OC90: variants seen among roughly 807,000 people sequenced by gnomAD.
OC90 encodes otoconin-90.
Under a neutral mutation model 47.3 loss-of-function variants are expected in OC90, and 46 were observed. That is an observed-to-expected ratio of 0.97 (90% CI 0.77 to 1.24). The LOEUF (loss-of-function observed/expected upper bound fraction) is 1.24. Among genes scored for constraint, OC90 ranks in the 50% most tolerant of loss-of-function variants. The probability of loss-of-function intolerance (pLI) is 0.00; values close to 1 mark genes in which losing one functional copy is unlikely to be tolerated. For synonymous variants in OC90, 271 were observed against 219.5 expected, an observed-to-expected ratio of 1.23 and a Z score of -2.07; for missense variants, 688 against 583.9, an observed-to-expected ratio of 1.18 and a Z score of -1.84.
intron 13 of OC90, among the ~76,000 whole-genome samples, chr8:132,028,563 A>AAAGAAAGAAAGAAAGGAAGGAAGG (rs1354516292): frequency 6.4e-3 from 199 of 30,904 alleles, no homozygotes; most frequent in South Asian, 0.012. Context: ...AGAAAGAAAG[A>AAAGAAAGAAAGAAAGGAAGGAAGG]AAGGAAGGAA....
chr8:132,028,619 A>AAGG (rs779834640), intron 13 of OC90, among the ~76,000 whole-genome samples: 47 of 43,430 alleles, frequency 1.1e-3, no homozygotes, highest in Non-Finnish European at 1.8e-3. Flanking sequence ...GGGAAGGAGG[A>AAGG]AGGAAGGAAG....
intron 2 of OC90, among the ~76,000 whole-genome samples, chr8:132,046,125 G>A (rs1208308095): frequency 6.6e-6 from 1 of 152,132 alleles, no homozygotes. Context: ...ATTCTGGTTG[G>A]GGATGGAGAG....
At chr8:132,026,477 G>T (rs745830621) in intron 13 of OC90, among the ~76,000 whole-genome samples, 1 of 152,204 alleles carries the variant, frequency 6.6e-6, no homozygotes, top group Non-Finnish European at 1.5e-5. Flanking sequence ...TGAGAGCACA[G>T]TGGAGACATG....
intron 2 of OC90, among the ~76,000 whole-genome samples, chr8:132,052,991 G>A (rs142546835): frequency 1.4e-4 from 21 of 152,210 alleles, no homozygotes; most frequent in African/African-American, 3.9e-4. Context: ...TTCATGCTCC[G>A]GAGATACTGA....
At chr8:132,054,767 TCAC>T (rs1823259443) in intron 2 of OC90, among the ~76,000 whole-genome samples, 1 of 152,172 alleles carries the variant, frequency 6.6e-6, no homozygotes, top group South Asian at 2.1e-4. Flanking sequence ...GTCATTTTTG[TCAC>T]CACAAGGTAG....
chr8:132,055,090 C>A lies in OC90; in HGVS notation c.-47-17G>T. 1 of 1,347,906 alleles carries A rather than the reference C, an allele frequency of 7.4e-7. No individual in the cohort carries two copies. Among genetic ancestry groups the A allele is most frequent in the Non-Finnish European group, 1.0e-6 (1 of 966,486 alleles). The allele number at this position is 1,347,906 out of a possible 1,614,324, so 83.5% of individuals were successfully genotyped here. On this transcript the variant is annotated splice_polypyrimidine_tract_variant and intron_variant, in intron 1 of 13. Transcript: ENST00000254627. ...AACGGACTCCTGGGAGAGAAGCCAG[C>A]AGAATAGGATGGAAGCATTTTCAGA...
At chr8:132,056,295 C>T (rs1249724899) in intron 1 of OC90, among the ~76,000 whole-genome samples, 1 of 152,148 alleles carries the variant, frequency 6.6e-6, no homozygotes, top group Non-Finnish European at 1.5e-5. Context: ...GCATATGTAC[C>T]CAGGGCCGTG....
At position 132,050,787 on chromosome 8, in the gene OC90, G is replaced by A. The variant is rs537779424; in HGVS notation, c.46+4194C>T. ...AGGCCGAGGCAGGCAGATCACCTGA[G>A]GTTGGGAGTTCAAGACCAGCCTGAC... On this transcript the variant is annotated intron_variant, in intron 2 of 13. Transcript: ENST00000254627. Among the ~76,000 whole-genome samples the A allele has an allele frequency of 4.3e-4, 66 of 152,252 alleles. 1 individual carries two copies. In the South Asian group the frequency reaches 8.7e-3, roughly 20 times the overall value.
At chr8:132,049,888 T>C (rs779802509) in intron 2 of OC90, 1 of 505,172 alleles carries the variant, frequency 2.0e-6, no homozygotes, top group Non-Finnish European at 4.0e-6. Context: ...TGCTAAGACG[T>C]GTGCCAATTC....
chr8:132,040,855 G>A (rs1823040835), intron 6 of OC90, among the ~76,000 whole-genome samples, 189 bp downstream of exon 6: 1 of 152,192 alleles, frequency 6.6e-6, no homozygotes, highest in South Asian at 2.1e-4. Flanking sequence ...AACATTTATT[G>A]TGCCTCTACT....
At chr8:132,035,619 G>A (rs1389512701) in intron 9 of OC90, among the ~76,000 whole-genome samples, 1 of 152,204 alleles carries the variant, frequency 6.6e-6, no homozygotes, top group Non-Finnish European at 1.5e-5. Flanking sequence ...CTATGCTAGT[G>A]TTCTATGAAA....
rs117845817 is a variant in OC90, at chr8:132,042,557, C to T, written c.170-858G>A. 1.0e-3 allele frequency among the ~76,000 whole-genome samples: 155 copies of T among 152,176 alleles called. 1 individual carries two copies. Among genetic ancestry groups the T allele is most frequent in the Non-Finnish European group, 2.0e-3 (137 of 68,000 alleles). ...CTCCCTCCCTGACTAGTGGTCCCAG[C>T]GTTTATTGTTCCCGTCTTTATGTTC... On this transcript the variant is annotated intron_variant, in intron 4 of 13. Transcript: ENST00000254627.
Position 132,055,029 on chromosome 8 carries a change from CAGG to C in OC90, c.-6_-4del, listed in dbSNP as rs1286458516. On this transcript the variant is annotated 5_prime_UTR_variant, in exon 2 of 14. Transcript: ENST00000254627. ...CTGGTGAGGAGAAACGCAATCATAG[CAGG>C]AGAACAAAGGATGGGGCTTAGGCAG... 3.9e-6 allele frequency: 6 copies of C among 1,550,948 alleles called. No individual in the cohort carries two copies. The highest frequency in any genetic ancestry group is 3.9e-5 in the Admixed American group (2 of 50,800).
chr8:132,036,599 G>C (rs144450648), intron 9 of OC90, among the ~76,000 whole-genome samples: 240 of 152,368 alleles, frequency 1.6e-3, no homozygotes, highest in African/African-American at 5.4e-3. Flanking sequence ...GGCCAGACTA[G>C]AGCCAGGCCT....
At chr8:132,041,459 A>G in intron 5 of OC90, 66 bp downstream of exon 5, 1 of 1,422,032 alleles carries the variant, frequency 7.0e-7, no homozygotes, top group Non-Finnish European at 9.6e-7. Context: ...GCTCTTGCCA[A>G]GGTATCAGCC....
At chr8:132,025,692 G>A (rs1404480233) in intron 13 of OC90, among the ~76,000 whole-genome samples, 2 of 152,140 alleles carry the variant, frequency 1.3e-5, no homozygotes, top group African/African-American at 4.8e-5. Flanking sequence ...TGCCTGCTTG[G>A]CCCCTTCCAA....
Position 132,041,680 on chromosome 8 carries a change from GAAGT to G in OC90, c.185_188del (p.His62ProfsTer14). 6.3e-7 allele frequency: 1 copy of G among 1,586,984 alleles called. No individual in the cohort carries two copies. ...TGGTGAAGACAGCCTGCAGCCAGGT[GAAGT>G]GGGGGCCCAGGCAATCTGTGGGGGT... is the stretch of plus-strand genomic sequence containing the variant. On this transcript the variant is annotated frameshift_variant, in exon 5 of 14. Transcript: ENST00000254627. LOFTEE classifies it high-confidence loss of function.
chr8:132,050,442 T>C (rs1053057474), intron 2 of OC90, among the ~76,000 whole-genome samples: 2 of 152,158 alleles, frequency 1.3e-5, no homozygotes, highest in Non-Finnish European at 2.9e-5. Context: ...GGACATGTCC[T>C]ACCTCTAAGT....
At chr8:132,041,827 A>G in intron 4 of OC90, 128 bp from the exon 5 acceptor site, 1 of 573,260 alleles carries the variant, frequency 1.7e-6, no homozygotes, top group African/African-American at 1.9e-5. Context: ...CTACTCTGTA[A>G]TAAAACTGTT....
Sources: allele counts gnomAD v4.1 joint callset (sites outside exome capture counted in the v4.1 genomes callset), GRCh38; gene constraint gnomAD v4.1.1; transcripts MANE v1.5; gene names NCBI Gene and HGNC (gene_info 2026-07-23, HGNC 2026-07-21).